Variants in CEACAM16 observed in about 807,000 individuals in gnomAD.
CEACAM16 encodes cell adhesion molecule CEACAM16.
In CEACAM16, 30 loss-of-function variants were observed where a neutral mutation model predicts 39.4. The ratio of observed to expected loss-of-function variants is 0.76; its 90% CI spans 0.57 to 1.03. The LOEUF (loss-of-function observed/expected upper bound fraction) is 1.03. CEACAM16 is among the 50% of genes least tolerant of loss of function. The probability of loss-of-function intolerance (pLI) is 0.00; values close to 1 mark genes in which losing one functional copy is unlikely to be tolerated. For missense variants in CEACAM16, 521 were observed against 585.3 expected, an observed-to-expected ratio of 0.89 and a Z score of 1.13; for synonymous variants, 262 against 264.9, an observed-to-expected ratio of 0.99 and a Z score of 0.11.
rs549963515 is a variant in CEACAM16 at position 44,700,703 on chromosome 19, G to A, written c.-96-658G>A. Among the ~76,000 whole-genome samples, 7 of 152,294 alleles carry A rather than the reference G, an allele frequency of 4.6e-5. 1 individual carries two copies. The highest frequency in any genetic ancestry group is 3.3e-4 in the Admixed American group (5 of 15,302). On this transcript the variant is annotated intron_variant, in intron 1 of 6. Transcript: ENST00000587331. ...CCTTGGCCCCAAAGCCTCCGAATAC[G>A]CCCATTTGACAGAGAGGGGAAAACA...
chr19:44,705,747 C>T lies in CEACAM16; in HGVS notation c.819C>T (p.Asn273=), dbSNP rs376207716. ...CCTTCAACGGGCAGGCCCTAAAGAA[C>T]GGCCAAGACCACCTCAACATCAGCA... is the stretch of plus-strand genomic sequence containing the variant. ...VWTFNGQALK[N]GQDHLNISSM... is the part of the protein sequence containing the mutation. Residue 273 remains asparagine (N), a synonymous_variant, in exon 5 of 7, where the codon AAC becomes AAT. Coordinates refer to ENST00000587331, the MANE Select transcript of CEACAM16 (RefSeq NM_001039213.4). 131 of 1,613,902 alleles carry T rather than the reference C, an allele frequency of 8.1e-5. No homozygotes were observed. The highest frequency in any genetic ancestry group is 5.6e-4 in the African/African-American group (42 of 74,930).
In CEACAM16 at chr19:44,705,870, T is replaced by C; in HGVS notation, c.940+2T>C. ...CCTCAGTCGTGGTCAAGCTCTCTGGTGAGTCACCCCCAGCCTGACCACCCC... is the reference window on the plus strand; with the variant it reads ...CCTCAGTCGTGGTCAAGCTCTCTGGCGAGTCACCCCCAGCCTGACCACCCC... On this transcript the variant is annotated splice_donor_variant, in intron 5 of 6. Coordinates refer to ENST00000587331, the MANE Select transcript of CEACAM16 (RefSeq NM_001039213.4). LOFTEE classifies it high-confidence loss of function. 6.2e-7 allele frequency: 1 copy of C among 1,609,202 alleles called. No individual in the cohort carries two copies. The highest frequency in any genetic ancestry group is 8.5e-7 in the Non-Finnish European group (1 of 1,176,134).
At chr19:44,705,482 G>A in intron 4 of CEACAM16, 108 bp from the exon 5 acceptor site, 1 of 1,214,840 alleles carries the variant, frequency 8.2e-7, no homozygotes, top group Non-Finnish European at 1.1e-6. Flanking sequence ...CCCTCCACTA[G>A]GCCAAGATAT....
rs182101542 is a variant in CEACAM16, at chr19:44,704,658, G to A, written c.661+362G>A. 2.6e-3 allele frequency among the ~76,000 whole-genome samples: 393 copies of A among 152,166 alleles called. 1 individual carries two copies. The highest frequency in any genetic ancestry group is 7.9e-3 in the South Asian group (38 of 4,812). ...GAGATGGGAGGATTCCTTGAGCCCC[G>A]GAGGCCGAGGTTGCAGGTGCAGTAA... On this transcript the variant is annotated intron_variant, in intron 4 of 6. Coordinates refer to ENST00000587331, the MANE Select transcript of CEACAM16 (RefSeq NM_001039213.4).
chr19:44,707,716 C>G, intron 5 of CEACAM16, 145 bp from the exon 6 acceptor site: 1 of 636,962 alleles, frequency 1.6e-6, no homozygotes, highest in East Asian at 2.9e-5. Context: ...TCCACCACCG[C>G]ACAAGTCACC....
At chr19:44,703,897 C>A (rs1420452658) in intron 3 of CEACAM16, 121 bp from the exon 4 acceptor site, 3 of 1,228,140 alleles carry the variant, frequency 2.4e-6, no homozygotes, top group African/African-American at 3.1e-5. Flanking sequence ...CATTCTTTGT[C>A]CCTCCGGCTG....
Position 44,701,572 on chromosome 19 carries a change from G to A in CEACAM16, c.37+79G>A, listed in dbSNP as rs1974348100. The A allele has an allele frequency of 7.3e-7, 1 of 1,371,112 alleles. No homozygotes were observed. The highest frequency in any genetic ancestry group is 2.0e-5 in the Admixed American group (1 of 50,760). The allele number at this position is 1,371,112 out of a possible 1,614,324, so 84.9% of individuals were successfully genotyped here. ...GGGAGGGGACCCCCAGTCTGAGAGA[G>A]GGAAGGTGTGAGCAGAAGTCCAGCG... On this transcript the variant is annotated intron_variant, in intron 2 of 6. Coordinates refer to ENST00000587331, the MANE Select transcript of CEACAM16 (RefSeq NM_001039213.4). This position sits in a 1 kb window ranked among gnomAD's most constrained non-coding sequence, Gnocchi z 4.0.
rs1441436923 is a variant in CEACAM16 at position 44,706,297 on chromosome 19, C to CACACACACACACACAT, written c.940+444_940+445insTACACACACACACACA. ...ACACACACACACACACACACACACA[C>CACACACACACACACAT]ACACACACACACACAACTGAAGAAT... On this transcript the variant is annotated intron_variant, in intron 5 of 6. Coordinates refer to ENST00000587331, the MANE Select transcript of CEACAM16 (RefSeq NM_001039213.4). Among the ~76,000 whole-genome samples the CACACACACACACACAT allele has an allele frequency of 3.9e-3, 483 of 125,174 alleles. 2 individuals carry two copies. Among genetic ancestry groups the CACACACACACACACAT allele is most frequent in the African/African-American group, 0.013 (410 of 31,628 alleles). The allele number at this position is 125,174 out of a possible 152,430, so 82.1% of individuals were successfully genotyped here. A position where few individuals can be genotyped will look rare whatever the true frequency, so the allele number is the denominator to read the frequency against.
At chr19:44,702,610 G>A (rs965121851) in intron 2 of CEACAM16, among the ~76,000 whole-genome samples, 27 of 152,274 alleles carry the variant, frequency 1.8e-4, no homozygotes, top group Admixed American at 4.6e-4. Context: ...GGGCTGATCT[G>A]CTTGGTTGAG....
chr19:44,700,741 T>A (rs995230531), intron 1 of CEACAM16, among the ~76,000 whole-genome samples: 4 of 152,160 alleles, frequency 2.6e-5, no homozygotes, highest in African/African-American at 9.7e-5. Flanking sequence ...GCCTCCGAAG[T>A]GGGAGAAAGA....
At position 44,703,476 on chromosome 19, in the gene CEACAM16, G is replaced by T. The variant is rs551887849; in HGVS notation, c.165G>T (p.Ala55=). Residue 55 remains alanine (A), a synonymous_variant, in exon 3 of 7, where the codon GCG becomes GCT. Transcript: ENST00000587331. ...AACTGCTCGCCTACAGCTGGTATGC[G>T]GGGCCCACACTCAGCGTGTCATACC... ...SGELLAYSWY[A]GPTLSVSYLV... 1 of 1,613,804 alleles carries T rather than the reference G, an allele frequency of 6.2e-7. No homozygotes were observed. Among genetic ancestry groups the T allele is most frequent in the South Asian group, 1.1e-5 (1 of 91,076 alleles).
chr19:44,710,636 C>A lies in CEACAM16; in HGVS notation c.*130C>A. ...TGGTCCTGCTGTTCTCCTGCCTCCA[C>A]CCTAGAGCTAGAGCCACAGGGCCCC... On this transcript the variant is annotated 3_prime_UTR_variant, in exon 7 of 7. Transcript: ENST00000587331. 2 of 1,350,480 alleles carry A rather than the reference C, an allele frequency of 1.5e-6. No individual in the cohort carries two copies. The highest frequency in any genetic ancestry group is 2.1e-6 in the Non-Finnish European group (2 of 952,542). The allele number at this position is 1,350,480 out of a possible 1,614,324, so 83.7% of individuals were successfully genotyped here. A position where few individuals can be genotyped will look rare whatever the true frequency, so the allele number is the denominator to read the frequency against.
Position 44,705,608 on chromosome 19 carries a change from C to T in CEACAM16, c.680C>T (p.Ala227Val). Reference protein sequence around the residue: ...LTVYFGPERVAILQDSTTRTG... With the variant: ...LTVYFGPERVVILQDSTTRTG... Reference sequence around the variant, plus strand: ...CCCACAGTTGGCCCAGAGCGTGTGGCCATCCTCCAGGATTCCACCACCCGC... The same window carrying T: ...CCCACAGTTGGCCCAGAGCGTGTGGTCATCCTCCAGGATTCCACCACCCGC... Residue 227 changes from alanine to valine, a missense_variant, in exon 5 of 7, where the codon GCC (alanine) becomes GTC (valine). Transcript: ENST00000587331. The T allele has an allele frequency of 4.4e-6, 7 of 1,604,378 alleles. No individual in the cohort carries two copies. The highest frequency in any genetic ancestry group is 4.3e-6 in the Non-Finnish European group (5 of 1,172,378).
At chr19:44,710,379 T>G (rs1974518024) in intron 6 of CEACAM16, 117 bp from the exon 7 acceptor site, 1 of 1,103,222 alleles carries the variant, frequency 9.1e-7, no homozygotes, top group African/African-American at 1.6e-5. Flanking sequence ...GTGGGGTGGA[T>G]TGGGCCACTG....
intron 6 of CEACAM16, among the ~76,000 whole-genome samples, chr19:44,709,045 A>G (rs1223600033): frequency 1.3e-5 from 2 of 152,086 alleles, no homozygotes; most frequent in South Asian, 4.2e-4. Flanking sequence ...GAGCTCCCAG[A>G]GTCAAGATCC....
At chr19:44,699,909 T>C (rs768414894) in intron 1 of CEACAM16, among the ~76,000 whole-genome samples, 6 of 151,908 alleles carry the variant, frequency 3.9e-5, no homozygotes, top group Non-Finnish European at 8.8e-5. Flanking sequence ...CACTGCAACC[T>C]CTACCTCCTG....
Position 44,708,133 on chromosome 19 carries a change from A to T in CEACAM16, c.1213A>T (p.Thr405Ser). The T allele has an allele frequency of 6.2e-7, 1 of 1,607,776 alleles. No homozygotes were observed. The highest frequency in any genetic ancestry group is 1.7e-5 in the Admixed American group (1 of 59,316). Reference sequence around the variant, plus strand: ...AGACACTGGCCGCTACACACTCAAGACTGTCACAGTGCAGGGCAAGACTGA... The same window carrying T: ...AGACACTGGCCGCTACACACTCAAGTCTGTCACAGTGCAGGGCAAGACTGA... ...LTDTGRYTLK[T>S]VTVQGKTETL... is the part of the protein sequence containing the mutation. Residue 405 changes from threonine (T) to serine (S), a missense_variant, in exon 6 of 7, where the codon ACT becomes TCT. Coordinates refer to ENST00000587331, the MANE Select transcript of CEACAM16 (RefSeq NM_001039213.4).
chr19:44,705,532 C>T lies in CEACAM16; in HGVS notation c.662-58C>T, dbSNP rs567334591. ...CTTGGTGGAGAGAAAACCAGGGGTA[C>T]CAACCTCCACTCCTCCTTCCCTCTA... On this transcript the variant is annotated intron_variant, in intron 4 of 6. Coordinates refer to ENST00000587331, the MANE Select transcript of CEACAM16 (RefSeq NM_001039213.4). 4.5e-5 allele frequency: 69 copies of T among 1,518,616 alleles called. No individual in the cohort carries two copies. The African/African-American group carries it at 8.7e-4, about 19-fold the overall frequency. The allele number at this position is 1,518,616 out of a possible 1,614,324, so 94.1% of individuals were successfully genotyped here.
At chr19:44,703,956 A>G (rs1440920909) in intron 3 of CEACAM16, 62 bp from the exon 4 acceptor site, 7 of 1,488,020 alleles carry the variant, frequency 4.7e-6, no homozygotes, top group Non-Finnish European at 6.3e-6. Context: ...TGTTGGGGGA[A>G]GGGAAGGCCC....
Sources: allele counts gnomAD v4.1 joint callset (sites outside exome capture counted in the v4.1 genomes callset), GRCh38; gene constraint gnomAD v4.1.1; non-coding constraint Gnocchi (gnomAD v3.1); transcripts MANE v1.5; gene names NCBI Gene and HGNC (gene_info 2026-07-23, HGNC 2026-07-21).